KCNIP1: variants seen among roughly 807,000 people sequenced by gnomAD.
KCNIP1 encodes the protein potassium voltage-gated channel interacting protein 1, also known as A-type potassium channel modulatory protein KCNIP1.
Under a neutral mutation model 33.0 loss-of-function variants are expected in KCNIP1, and 18 were observed. That is an observed-to-expected ratio of 0.55 (90% CI 0.38 to 0.81). The LOEUF (loss-of-function observed/expected upper bound fraction) is 0.81. KCNIP1 is among the 30% of genes least tolerant of loss of function. The probability of loss-of-function intolerance (pLI) is 0.00; values close to 1 mark genes in which losing one functional copy is unlikely to be tolerated. For missense variants in KCNIP1, 238 were observed against 271.6 expected (o/e 0.88, Z 0.87); for synonymous variants, 93 against 98.3 (o/e 0.95, Z 0.32).
At chr5:170,656,992 CTTTCTTT>C (rs1761295644) in intron 1 of KCNIP1, among the ~76,000 whole-genome samples, 1 of 116,440 alleles carries the variant, frequency 8.6e-6, no homozygotes, top group African/African-American at 3.6e-5. Context: ...TTTTTTCTTT[CTTTCTTT>C]TTTTTTTTTT....
At chr5:170,592,963 G>A (rs1330764961) in intron 1 of KCNIP1, among the ~76,000 whole-genome samples, 2 of 152,006 alleles carry the variant, frequency 1.3e-5, no homozygotes, top group Non-Finnish European at 2.9e-5. Context: ...AAATAGCCCA[G>A]CTACAATCAA....
At chr5:170,727,806 T>G (rs1325304310) in intron 5 of KCNIP1, among the ~76,000 whole-genome samples, 1 of 151,482 alleles carries the variant, frequency 6.6e-6, no homozygotes, top group Non-Finnish European at 1.5e-5. Context: ...CTGGGTGTAG[T>G]GGCACGTGCC....
intron 1 of KCNIP1, among the ~76,000 whole-genome samples, chr5:170,635,483 A>G (rs1760246102): frequency 6.6e-6 from 1 of 151,964 alleles, no homozygotes; most frequent in Non-Finnish European, 1.5e-5. Context: ...AACCATCACA[A>G]CCTGAAGCCC....
chr5:170,446,141 G>A lies in KCNIP1; in HGVS notation c.88+92177G>A, dbSNP rs564937275. On this transcript the variant is annotated intron_variant, in intron 1 of 7. Transcript: ENST00000377360. ...CGCCCAGGAAGTCTCCCTGTAGCTC[G>A]GCCGTCAGTCATTACCCTCACTGGC... is the stretch of plus-strand genomic sequence containing the variant. 7.2e-5 allele frequency among the ~76,000 whole-genome samples: 11 copies of A among 152,216 alleles called. No individual in the cohort carries two copies. In the East Asian group the frequency reaches 7.7e-4, roughly 11 times the overall value.
intron 1 of KCNIP1, among the ~76,000 whole-genome samples, chr5:170,565,438 C>T (rs1757172325): frequency 6.6e-6 from 1 of 152,086 alleles, no homozygotes; most frequent in Non-Finnish European, 1.5e-5. Context: ...TTTATTTCAG[C>T]CTAAAGGAAC....
At chr5:170,403,463 C>A (rs886974940) in intron 1 of KCNIP1, among the ~76,000 whole-genome samples, 1 of 152,144 alleles carries the variant, frequency 6.6e-6, no homozygotes, top group African/African-American at 2.4e-5. Flanking sequence ...GACTATGACC[C>A]CATACAGAGG....
chr5:170,504,747 G>A lies in KCNIP1; in HGVS notation c.61+114G>A. On this transcript the variant is annotated intron_variant, in intron 1 of 7. Transcript: ENST00000328939. This position sits in a 1 kb window ranked among gnomAD's most constrained non-coding sequence, Gnocchi z 6.0. The stretch of plus-strand genomic sequence containing the variant: ...GGACTCTCCTCTCCACGAGGAGCCC[G>A]GACAGGTGCTTGTATCCAAAGGAGA... 2.3e-6 allele frequency: 2 copies of A among 856,806 alleles called. No homozygotes were observed. Among genetic ancestry groups the A allele is most frequent in the East Asian group, 2.5e-5 (1 of 40,560 alleles). 53.1% of individuals were successfully genotyped at this position (856,806 alleles called of 1,614,324 possible). A position where few individuals can be genotyped will look rare whatever the true frequency, so the allele number is the denominator to read the frequency against.
intron 1 of KCNIP1, among the ~76,000 whole-genome samples, chr5:170,699,252 G>A (rs905816): frequency 6.6e-6 from 1 of 152,066 alleles, no homozygotes; most frequent in Non-Finnish European, 1.5e-5. Flanking sequence ...AGAGAGAGAT[G>A]ATATAGACAA....
chr5:170,487,972 A>T (rs1482429050), intron 1 of KCNIP1, among the ~76,000 whole-genome samples: 1 of 152,096 alleles, frequency 6.6e-6, no homozygotes, highest in East Asian at 1.9e-4. Flanking sequence ...CTCATTCCTC[A>T]AGAGTTAGCC....
In KCNIP1 at chr5:170,481,298, A is replaced by G. The variant is rs73311790; in HGVS notation, c.88+127334A>G. On this transcript the variant is annotated intron_variant, in intron 1 of 7. Coordinates refer to the KCNIP1 transcript ENST00000377360. ...TTACCCTACTCAGGACAACCCTTCC[A>G]AAGAGCCCCTGTTTCTTTAAGTGGA... 3.8e-3 allele frequency among the ~76,000 whole-genome samples: 581 copies of G among 152,320 alleles called. 5 individuals carry two copies. Among genetic ancestry groups the G allele is most frequent in the African/African-American group, 0.013 (554 of 41,572 alleles).
intron 1 of KCNIP1, among the ~76,000 whole-genome samples, chr5:170,466,073 G>T (rs1420676964): frequency 6.6e-6 from 1 of 152,194 alleles, no homozygotes; most frequent in Non-Finnish European, 1.5e-5. Context: ...AAATAATAGT[G>T]CTTGGGGCTA....
intron 1 of KCNIP1, among the ~76,000 whole-genome samples, chr5:170,484,439 C>A (rs1176637723): frequency 6.6e-6 from 1 of 152,158 alleles, no homozygotes; most frequent in Non-Finnish European, 1.5e-5. Context: ...TCCCAGCCAG[C>A]ACGCCCTCCA....
chr5:170,714,218 C>T (rs1358898683), intron 1 of KCNIP1, among the ~76,000 whole-genome samples: 1 of 152,152 alleles, frequency 6.6e-6, no homozygotes, highest in African/African-American at 2.4e-5. Flanking sequence ...AACTGGTACA[C>T]AAGCACACAG....
intron 1 of KCNIP1, chr5:170,379,040 G>C (rs927253326): frequency 6.5e-7 from 1 of 1,550,290 alleles, no homozygotes. Flanking sequence ...GGCTTGATAT[G>C]GAGTAAAGAA....
At chr5:170,512,825 G>A (rs1474643895) in intron 1 of KCNIP1, among the ~76,000 whole-genome samples, 2 of 152,056 alleles carry the variant, frequency 1.3e-5, no homozygotes, top group East Asian at 1.9e-4. Flanking sequence ...CGAGGCTGGC[G>A]GATCATGAGG....
chr5:170,676,066 T>C (rs1017844716), intron 1 of KCNIP1, among the ~76,000 whole-genome samples: 1 of 129,682 alleles, frequency 7.7e-6, no homozygotes, highest in East Asian at 2.2e-4. Context: ...GGGAGGAAGA[T>C]GAAAGAAGGA....
chr5:170,357,272 T>G (rs1029599302), intron 1 of KCNIP1, among the ~76,000 whole-genome samples: 1 of 152,224 alleles, frequency 6.6e-6, no homozygotes. Flanking sequence ...TTTCCTCATC[T>G]ATAAAATGGA....
intron 1 of KCNIP1, among the ~76,000 whole-genome samples, chr5:170,636,063 T>C (rs964937242): frequency 1.3e-5 from 2 of 152,220 alleles, no homozygotes; most frequent in African/African-American, 4.8e-5. Flanking sequence ...AACACCCACC[T>C]GGGGAAGACA....
intron 1 of KCNIP1, among the ~76,000 whole-genome samples, chr5:170,428,530 T>C (rs1755663707): frequency 6.6e-6 from 1 of 152,138 alleles, no homozygotes; most frequent in African/African-American, 2.4e-5. Flanking sequence ...TATCATCTTA[T>C]ATAGCAAGAG....
Sources: gnomAD v4.1 joint callset for allele counts (sites outside exome capture counted in the v4.1 genomes callset) on GRCh38, gnomAD v4.1.1 for gene constraint, Gnocchi (gnomAD v3.1) non-coding constraint, MANE v1.5 for transcripts, NCBI Gene and HGNC (gene_info 2026-07-23, HGNC 2026-07-21) for gene names.